The following NOL4 variants were observed in gnomAD, a reference collection of about 807,000 sequenced individuals.
NOL4 encodes cancer/testis antigen 125.
In NOL4, 17 loss-of-function variants were observed where a neutral mutation model predicts 75.9. That is an observed-to-expected ratio of 0.22 (90% CI 0.15 to 0.34). NOL4 has a LOEUF of 0.34. Ranked by LOEUF, NOL4 falls within the 10% of genes least tolerant of loss-of-function variation. The probability of loss-of-function intolerance (pLI) is 1.00; values close to 1 mark genes in which losing one functional copy is unlikely to be tolerated. For missense variants in NOL4, 614 were observed against 793.5 expected, an observed-to-expected ratio of 0.77 and a Z score of 2.72; for synonymous variants, 292 against 289.9, an observed-to-expected ratio of 1.01 and a Z score of -0.07.
At chr18:33,904,710 ATATG>A (rs2065934263) in intron 9 of NOL4, among the ~76,000 whole-genome samples, 1 of 152,144 alleles carries the variant, frequency 6.6e-6, no homozygotes, top group Non-Finnish European at 1.5e-5. Flanking sequence ...AACCTGTTAA[ATATG>A]TATGTTTAGC....
At chr18:34,189,897 A>T (rs1336102923) in intron 1 of NOL4, among the ~76,000 whole-genome samples, 1 of 151,914 alleles carries the variant, frequency 6.6e-6, no homozygotes, top group Non-Finnish European at 1.5e-5. Flanking sequence ...GGTTGCTATG[A>T]CATCATGAGG....
At chr18:33,916,785 T>C (rs16965027) in intron 9 of NOL4, among the ~76,000 whole-genome samples, 2,325 of 152,314 alleles carry the variant, frequency 0.015, 59 homozygotes, top group African/African-American at 0.052. Context: ...TAACTTCAGA[T>C]GTTTATAGGC....
chr18:34,083,291 G>A (rs2078093993), intron 5 of NOL4, among the ~76,000 whole-genome samples: 1 of 152,106 alleles, frequency 6.6e-6, no homozygotes, highest in Non-Finnish European at 1.5e-5. Context: ...AGATTGGGAG[G>A]AAAAAGGAGG....
At chr18:33,870,857 C>G (rs1273519363) in intron 10 of NOL4, among the ~76,000 whole-genome samples, 1 of 152,120 alleles carries the variant, frequency 6.6e-6, no homozygotes, top group South Asian at 2.1e-4. Context: ...ATTATATTTC[C>G]TAATGGATTT....
At chr18:34,184,766 G>A (rs1411255954) in intron 1 of NOL4, among the ~76,000 whole-genome samples, 9 of 152,068 alleles carry the variant, frequency 5.9e-5, no homozygotes, top group Admixed American at 5.9e-4. Context: ...AGATGTGACA[G>A]GAAGGGCACT....
At chr18:34,210,547 G>A (rs1203759379) in intron 1 of NOL4, among the ~76,000 whole-genome samples, 3 of 152,220 alleles carry the variant, frequency 2.0e-5, no homozygotes, top group Non-Finnish European at 4.4e-5. Context: ...AATAACTACA[G>A]AGCAGATCAC....
chr18:33,898,858 G>T (rs374995226), intron 9 of NOL4, among the ~76,000 whole-genome samples: 6 of 152,020 alleles, frequency 3.9e-5, no homozygotes, highest in African/African-American at 1.4e-4. Context: ...AAACAATCTT[G>T]CCAGCCACAT....
intron 4 of NOL4, among the ~76,000 whole-genome samples, chr18:34,094,957 G>A (rs2145568334): frequency 6.6e-6 from 1 of 152,220 alleles, no homozygotes; most frequent in East Asian, 1.9e-4. Flanking sequence ...TTTCATAAAT[G>A]ACATCTTGGC....
At chr18:33,892,997 A>C (rs750691756) in intron 9 of NOL4, among the ~76,000 whole-genome samples, 1 of 152,064 alleles carries the variant, frequency 6.6e-6, no homozygotes, top group Non-Finnish European at 1.5e-5. Context: ...TTCATTAGAC[A>C]TATTTCAAAT....
intron 10 of NOL4, among the ~76,000 whole-genome samples, chr18:33,857,502 A>G (rs2062890924): frequency 6.6e-6 from 1 of 152,030 alleles, no homozygotes; most frequent in South Asian, 2.1e-4. Context: ...ATTCTGCAGC[A>G]AAAATTAATT....
At chr18:34,208,878 A>C (rs1194568810) in intron 1 of NOL4, among the ~76,000 whole-genome samples, 2 of 151,838 alleles carry the variant, frequency 1.3e-5, no homozygotes, top group African/African-American at 4.8e-5. Flanking sequence ...ATGAAAAGAA[A>C]ACTGTAATTA....
intron 1 of NOL4, among the ~76,000 whole-genome samples, chr18:34,213,303 C>G (rs938966589): frequency 2.0e-5 from 3 of 151,886 alleles, no homozygotes; most frequent in Admixed American, 6.6e-5. Flanking sequence ...TTTATTTTTT[C>G]TTTTGAGATG....
chr18:34,139,644 ATT>A, intron 1 of NOL4, among the ~76,000 whole-genome samples: 1 of 151,910 alleles, frequency 6.6e-6, no homozygotes, highest in South Asian at 2.1e-4. Flanking sequence ...GGATTCATTG[ATT>A]TTTTGGAGGG....
chr18:33,979,753 T>C (rs2071797423), intron 6 of NOL4, among the ~76,000 whole-genome samples: 1 of 152,078 alleles, frequency 6.6e-6, no homozygotes, highest in Admixed American at 6.6e-5. Context: ...ACTTTCATTC[T>C]GGTTAGCTTT....
At chr18:33,878,396 A>G (rs891773272) in intron 10 of NOL4, among the ~76,000 whole-genome samples, 7 of 152,074 alleles carry the variant, frequency 4.6e-5, no homozygotes, top group Admixed American at 2.0e-4. Flanking sequence ...TGGCTTACTA[A>G]GTAAATTAAA....
chr18:34,068,002 C>T (rs2077353499), intron 5 of NOL4, among the ~76,000 whole-genome samples: 2 of 151,758 alleles, frequency 1.3e-5, no homozygotes, highest in Admixed American at 1.3e-4. Context: ...AAGATGAAGC[C>T]ACAAGGCACT....
At chr18:34,053,731 G>A (rs2076720252) in intron 5 of NOL4, among the ~76,000 whole-genome samples, 1 of 151,666 alleles carries the variant, frequency 6.6e-6, no homozygotes, top group Admixed American at 6.6e-5. Flanking sequence ...TTAATAACCA[G>A]TTTCCAAAAA....
At chr18:34,162,453 C>G (rs1249023931) in intron 1 of NOL4, among the ~76,000 whole-genome samples, 3 of 152,082 alleles carry the variant, frequency 2.0e-5, no homozygotes, top group African/African-American at 7.2e-5. Flanking sequence ...GAGAATACTA[C>G]AAACACCTCT....
intron 9 of NOL4, among the ~76,000 whole-genome samples, chr18:33,923,471 A>G (rs564754772): frequency 1.3e-5 from 2 of 152,182 alleles, no homozygotes; most frequent in African/African-American, 4.8e-5. Context: ...TCATTATAAA[A>G]GATTATTTCA....
Sources: allele counts gnomAD v4.1 joint callset (sites outside exome capture counted in the v4.1 genomes callset), GRCh38; gene constraint gnomAD v4.1.1; transcripts MANE v1.5; gene names NCBI Gene and HGNC (gene_info 2026-07-23, HGNC 2026-07-21).